Variants in PCSK2 observed in about 807,000 individuals in gnomAD.
PCSK2 encodes the protein neuroendocrine convertase 2.
A neutral mutation model predicts 69.7 loss-of-function variants in PCSK2; 14 were observed. The observed-to-expected ratio is 0.20, with a 90% confidence interval of 0.13 to 0.31. The LOEUF is 0.31. PCSK2 is among the 10% of genes least tolerant of loss of function. The pLI, the probability that PCSK2 is intolerant of heterozygous loss-of-function variation, is 1.00. For missense variants in PCSK2, 544 were observed against 842.5 expected (o/e 0.65, Z 4.39); for synonymous variants, 307 against 320.7 (o/e 0.96, Z 0.46).
intron 5 of PCSK2, among the ~76,000 whole-genome samples, chr20:17,404,818 T>C (rs555156250): frequency 2.0e-5 from 3 of 152,354 alleles, no homozygotes; most frequent in African/African-American, 7.2e-5. Context: ...CTCTTTCCGA[T>C]AAAAGGCCAC....
At chr20:17,278,068 C>A (rs1988159299) in intron 2 of PCSK2, among the ~76,000 whole-genome samples, 1 of 152,094 alleles carries the variant, frequency 6.6e-6, no homozygotes, top group Admixed American at 6.6e-5. Flanking sequence ...AGTCAGGAAA[C>A]AACAGGTGCT....
intron 5 of PCSK2, among the ~76,000 whole-genome samples, chr20:17,400,440 A>C (rs543799843): frequency 1.6e-4 from 25 of 152,146 alleles, no homozygotes; most frequent in Non-Finnish European, 3.2e-4. Context: ...CCCTGCTTAT[A>C]GGATGAGGAT....
At chr20:17,444,247 T>C (rs1244146772) in intron 8 of PCSK2, among the ~76,000 whole-genome samples, 3 of 152,240 alleles carry the variant, frequency 2.0e-5, no homozygotes, top group African/African-American at 7.2e-5. Flanking sequence ...TTGACCAACA[T>C]GGTAATGATT....
At chr20:17,329,659 T>A (rs1358876064) in intron 2 of PCSK2, among the ~76,000 whole-genome samples, 3 of 152,208 alleles carry the variant, frequency 2.0e-5, no homozygotes, top group Non-Finnish European at 4.4e-5. Context: ...AAATTACATA[T>A]GCAGGATTGT....
chr20:17,229,012 C>G (rs1362158948), intron 1 of PCSK2, among the ~76,000 whole-genome samples: 1 of 152,098 alleles, frequency 6.6e-6, no homozygotes, highest in Admixed American at 6.5e-5. Flanking sequence ...ATAAAGAAGC[C>G]GACCTTCCTT....
chr20:17,281,485 CT>C (rs1458817258), intron 2 of PCSK2, among the ~76,000 whole-genome samples: 1 of 152,206 alleles, frequency 6.6e-6, no homozygotes, highest in African/African-American at 2.4e-5. Context: ...CATGGTGATG[CT>C]GAGAATGTTA....
At chr20:17,287,587 T>C (rs1323054592) in intron 2 of PCSK2, among the ~76,000 whole-genome samples, 1 of 152,184 alleles carries the variant, frequency 6.6e-6, no homozygotes, top group Non-Finnish European at 1.5e-5. Flanking sequence ...CATGCAATTT[T>C]ATTTTATAAC....
chr20:17,248,755 C>T (rs1338383279), intron 1 of PCSK2, among the ~76,000 whole-genome samples: 2 of 152,188 alleles, frequency 1.3e-5, no homozygotes, highest in East Asian at 3.8e-4. Context: ...CCCAAGATCA[C>T]AGCAGTGGGG....
At chr20:17,318,314 C>G (rs1305994486) in intron 2 of PCSK2, among the ~76,000 whole-genome samples, 7 of 152,182 alleles carry the variant, frequency 4.6e-5, no homozygotes, top group African/African-American at 1.7e-4. Context: ...TGCCTGCCCT[C>G]TGTGAGAGAT....
intron 2 of PCSK2, among the ~76,000 whole-genome samples, chr20:17,339,845 CAT>C (rs1990459384): frequency 6.6e-6 from 1 of 152,218 alleles, no homozygotes. Flanking sequence ...CCTAACTATG[CAT>C]AGACTATGGG....
intron 4 of PCSK2, among the ~76,000 whole-genome samples, chr20:17,366,978 C>T (rs4814612): frequency 0.17 from 26,448 of 151,896 alleles, 3,280 homozygotes; most frequent in East Asian, 0.51. Flanking sequence ...AAATTGACTT[C>T]CTGTTGGAAA....
intron 8 of PCSK2, among the ~76,000 whole-genome samples, chr20:17,446,959 GGAATACCAT>G (rs2032708951): frequency 6.6e-6 from 1 of 151,902 alleles, no homozygotes; most frequent in Non-Finnish European, 1.5e-5. Context: ...ACCAATAAAA[GGAATACCAT>G]GAGGTCAGGC....
chr20:17,258,464 C>A (rs776521151), intron 1 of PCSK2, among the ~76,000 whole-genome samples: 9 of 152,030 alleles, frequency 5.9e-5, no homozygotes, highest in Admixed American at 1.3e-4. Context: ...CAACACACAG[C>A]ATTATCTTTG....
At chr20:17,229,763 C>T (rs1264510708) in intron 1 of PCSK2, among the ~76,000 whole-genome samples, 1 of 152,124 alleles carries the variant, frequency 6.6e-6, no homozygotes, top group Non-Finnish European at 1.5e-5. Context: ...AATAAACCTC[C>T]TTTTGGATCC....
chr20:17,239,841 CTT>C (rs869179656), intron 1 of PCSK2, among the ~76,000 whole-genome samples: 72 of 68,646 alleles, frequency 1.0e-3, no homozygotes, highest in African/African-American at 4.6e-3. Flanking sequence ...GGTGAAAACA[CTT>C]TTTTTTTTTT....
intron 4 of PCSK2, among the ~76,000 whole-genome samples, chr20:17,361,217 T>A (rs1568618056): frequency 6.6e-6 from 1 of 152,210 alleles, no homozygotes; most frequent in African/African-American, 2.4e-5. Flanking sequence ...GTAACAGGAT[T>A]GGAGCTTGGG....
intron 8 of PCSK2, among the ~76,000 whole-genome samples, chr20:17,438,897 G>A (rs1029185684): frequency 6.6e-6 from 1 of 152,210 alleles, no homozygotes; most frequent in African/African-American, 2.4e-5. Flanking sequence ...TAGTTTTGGA[G>A]TTCCTTCCCC....
intron 5 of PCSK2, among the ~76,000 whole-genome samples, chr20:17,386,902 T>G (rs2123263583): frequency 6.6e-6 from 1 of 152,278 alleles, no homozygotes; most frequent in Non-Finnish European, 1.5e-5. Context: ...GTGAGCACAA[T>G]CCACTTTTGA....
At chr20:17,230,958 G>A (rs916548565) in intron 1 of PCSK2, among the ~76,000 whole-genome samples, 4 of 152,202 alleles carry the variant, frequency 2.6e-5, no homozygotes, top group African/African-American at 9.6e-5. Context: ...TTAAGTCTAG[G>A]AGAGTGAATG....
Sources: allele counts gnomAD v4.1 joint callset (sites outside exome capture counted in the v4.1 genomes callset), GRCh38; gene constraint gnomAD v4.1.1; transcripts MANE v1.5; gene names NCBI Gene and HGNC (gene_info 2026-07-23, HGNC 2026-07-21).